Variants in SAMD5 observed in about 807,000 individuals in gnomAD.
The protein encoded by SAMD5 is sterile alpha motif domain-containing protein 5.
A neutral mutation model predicts 11.3 loss-of-function variants in SAMD5; 13 were observed. That is an observed-to-expected ratio of 1.15 (90% confidence interval 0.75 to 1.83). The LOEUF is 1.83. Ranked by LOEUF, SAMD5 falls within the 40% of genes most tolerant of loss-of-function variation. The pLI is 0.00. For synonymous variants in SAMD5, 129 were observed against 111.3 expected (o/e 1.16, Z -1.00); for missense variants, 255 against 239.1 (o/e 1.07, Z -0.44).
At chr6:147,858,884 C>T in the SAMD5 span, among the ~76,000 whole-genome samples, 7 of 152,224 alleles carry the variant, frequency 4.6e-5, no homozygotes, top group East Asian at 3.9e-4. Flanking sequence ...GGAATACAGC[C>T]GTGAACCATG....
chr6:147,652,856 C>T (rs1398580865), intron 1 of SAMD5, among the ~76,000 whole-genome samples: 1 of 152,138 alleles, frequency 6.6e-6, no homozygotes, highest in African/African-American at 2.4e-5. Flanking sequence ...TTACTTGGTG[C>T]CAGCAACTGT....
At chr6:147,868,974 A>T in the SAMD5 span, among the ~76,000 whole-genome samples, 1 of 152,238 alleles carries the variant, frequency 6.6e-6, no homozygotes, top group African/African-American at 2.4e-5. Flanking sequence ...AATGATGGAA[A>T]GGGGAATTAA....
chr6:147,516,926 C>T (rs1050287689), intron 1 of SAMD5, among the ~76,000 whole-genome samples: 1 of 152,154 alleles, frequency 6.6e-6, no homozygotes, highest in African/African-American at 2.4e-5. Flanking sequence ...TTCAAAGAGG[C>T]TCACCGGATA....
chr6:147,596,500 G>A (rs1487439108), intron 1 of SAMD5, among the ~76,000 whole-genome samples: 1 of 151,798 alleles, frequency 6.6e-6, no homozygotes, highest in African/African-American at 2.4e-5. Flanking sequence ...GGAGACTAAT[G>A]TTCATTCTCT....
chr6:147,558,463 C>G (rs1192481793), intron 1 of SAMD5, among the ~76,000 whole-genome samples: 6 of 152,164 alleles, frequency 3.9e-5, no homozygotes, highest in African/African-American at 7.2e-5. Context: ...TTCGGAGAAC[C>G]TGAATCACAA....
At chr6:147,558,304 G>A (rs896678006) in intron 1 of SAMD5, among the ~76,000 whole-genome samples, 1 of 152,164 alleles carries the variant, frequency 6.6e-6, no homozygotes, top group East Asian at 1.9e-4. Context: ...CAACAGAAGT[G>A]TTGTATCCAA....
intron 1 of SAMD5, among the ~76,000 whole-genome samples, chr6:147,637,780 C>T (rs933601279): frequency 2.0e-5 from 3 of 151,966 alleles, no homozygotes; most frequent in African/African-American, 7.2e-5. Flanking sequence ...GCAGCTGTTT[C>T]AGGAAAACGA....
At chr6:147,587,165 C>T (rs530386938) in intron 1 of SAMD5, among the ~76,000 whole-genome samples, 2 of 152,146 alleles carry the variant, frequency 1.3e-5, no homozygotes, top group Non-Finnish European at 2.9e-5. Flanking sequence ...TTTCTCATCA[C>T]TATATTCTCA....
At chr6:147,712,692 A>T (rs1243285895) in intron 1 of SAMD5, among the ~76,000 whole-genome samples, 1 of 152,146 alleles carries the variant, frequency 6.6e-6, no homozygotes, top group Non-Finnish European at 1.5e-5. Flanking sequence ...AGCATGTGCC[A>T]TGGAAAGGCT....
the SAMD5 span, among the ~76,000 whole-genome samples, chr6:147,803,514 G>C: frequency 6.6e-6 from 1 of 152,060 alleles, no homozygotes. Flanking sequence ...ACCTTCAGTG[G>C]TTCCCACTGT....
the SAMD5 span, among the ~76,000 whole-genome samples, chr6:147,907,469 G>C: frequency 6.6e-5 from 10 of 152,078 alleles, no homozygotes; most frequent in Non-Finnish European, 1.3e-4. Flanking sequence ...TGGCAAAGAT[G>C]CAATAACTTT....
chr6:147,647,356 T>A (rs844595), intron 1 of SAMD5, among the ~76,000 whole-genome samples: 2 of 151,542 alleles, frequency 1.3e-5, no homozygotes, highest in Non-Finnish European at 2.9e-5. Flanking sequence ...TGAGGTTAAG[T>A]TTTCTGGTTT....
the SAMD5 span, among the ~76,000 whole-genome samples, chr6:147,907,495 T>C: frequency 6.6e-6 from 1 of 152,244 alleles, no homozygotes; most frequent in African/African-American, 2.4e-5. Flanking sequence ...CAACCTAATA[T>C]CTACCTTGGG....
At chr6:147,828,538 G>C in the SAMD5 span, among the ~76,000 whole-genome samples, 1 of 152,172 alleles carries the variant, frequency 6.6e-6, no homozygotes, top group Non-Finnish European at 1.5e-5. Flanking sequence ...GCAGAAGAAC[G>C]TGGAGACACT....
chr6:147,574,346 G>A (rs1425653756), downstream of SAMD5, among the ~76,000 whole-genome samples: 2 of 152,176 alleles, frequency 1.3e-5, no homozygotes, highest in Non-Finnish European at 2.9e-5. Context: ...ATGTAACACA[G>A]CCAGTAACCA....
intron 1 of SAMD5, among the ~76,000 whole-genome samples, chr6:147,670,837 A>G (rs531704722): frequency 2.0e-5 from 3 of 152,322 alleles, no homozygotes; most frequent in South Asian, 4.1e-4. Context: ...TCTGTCATTC[A>G]TGTGTTCACC....
chr6:147,578,249 A>T (rs182164412), intron 1 of SAMD5, among the ~76,000 whole-genome samples: 13 of 152,308 alleles, frequency 8.5e-5, no homozygotes, highest in African/African-American at 2.4e-4. Context: ...TTATTTTGAT[A>T]CCATGCTATT....
chr6:147,891,656 T>C, the SAMD5 span, among the ~76,000 whole-genome samples: 1 of 152,066 alleles, frequency 6.6e-6, no homozygotes, highest in Non-Finnish European at 1.5e-5. Context: ...AAAAATCGAA[T>C]GTAAGAAAAT....
chr6:147,818,984 C>A, the SAMD5 span, among the ~76,000 whole-genome samples: 2,054 of 152,206 alleles, frequency 0.013, 38 homozygotes, highest in East Asian at 0.063. Context: ...TAGGTATATA[C>A]CCCCCAAAAT....
Sources: allele counts gnomAD v4.1 joint callset (sites outside exome capture counted in the v4.1 genomes callset), GRCh38; gene constraint gnomAD v4.1.1; transcripts MANE v1.5; gene names NCBI Gene and HGNC (gene_info 2026-07-23, HGNC 2026-07-21).